The following PPM1H variants were observed in gnomAD, a reference collection of about 807,000 sequenced individuals.
PPM1H encodes the protein protein phosphatase 1H.
A neutral mutation model predicts 54.9 loss-of-function variants in PPM1H; 27 were observed. The ratio of observed to expected loss-of-function variants is 0.49; its 90% confidence interval spans 0.36 to 0.68. The LOEUF is 0.68. Ranked by LOEUF, PPM1H falls within the 30% of genes least tolerant of loss-of-function variation. PPM1H has a pLI of 0.00. For synonymous variants in PPM1H, 305 were observed against 270.8 expected, an observed-to-expected ratio of 1.13 and a Z score of -1.24; for missense variants, 596 against 667.8, an observed-to-expected ratio of 0.89 and a Z score of 1.19.
Position 62,689,812 on chromosome 12 carries a change from A to G in PPM1H, c.1138-6T>C. The G allele has an allele frequency of 6.2e-7, 1 of 1,602,610 alleles. No individual in the cohort carries two copies. Among genetic ancestry groups the G allele is most frequent in the East Asian group, 2.2e-5 (1 of 44,734 alleles). On this transcript the variant is annotated splice_region_variant and splice_polypyrimidine_tract_variant and intron_variant, in intron 7 of 9. Transcript: ENST00000228705. ...ATAGTTGCCATTACCCGGGCCTAGGAGTATAAGCAGAGGGTCATCAGAAAC... is the reference window on the plus strand; with the variant it reads ...ATAGTTGCCATTACCCGGGCCTAGGGGTATAAGCAGAGGGTCATCAGAAAC...
chr12:62,780,798 T>C (rs1313189971), intron 4 of PPM1H, among the ~76,000 whole-genome samples: 1 of 152,114 alleles, frequency 6.6e-6, no homozygotes, highest in Non-Finnish European at 1.5e-5. Flanking sequence ...TGGGCTCGAG[T>C]GGGCAAACAC....
Position 62,921,018 on chromosome 12 carries a change from G to A in PPM1H, c.245+13474C>T, listed in dbSNP as rs150140021. Among the ~76,000 whole-genome samples, 320 of 151,986 alleles carry A rather than the reference G, an allele frequency of 2.1e-3. 2 individuals are homozygous for A. The highest frequency in any genetic ancestry group is 7.1e-3 in the African/African-American group (293 of 41,466). ...TGATTCACTGCAACCTCCACTTCCC[G>A]GGTTCAAGCAATTCTCCTGCCTCAG... is the stretch of plus-strand genomic sequence containing the variant. On this transcript the variant is annotated intron_variant, in intron 1 of 9. Coordinates refer to ENST00000228705, the MANE Select transcript of PPM1H (RefSeq NM_020700.2).
chr12:62,821,099 C>T (rs1397811162), intron 2 of PPM1H, among the ~76,000 whole-genome samples: 1 of 152,088 alleles, frequency 6.6e-6, no homozygotes, highest in Non-Finnish European at 1.5e-5. Flanking sequence ...AGCTGAAAAC[C>T]GTGGCAAGAG....
chr12:62,910,565 C>T (rs893044409), intron 1 of PPM1H, among the ~76,000 whole-genome samples: 1 of 152,008 alleles, frequency 6.6e-6, no homozygotes, highest in African/African-American at 2.4e-5. Context: ...AATCTGATGC[C>T]TGTGATGACA....
intron 1 of PPM1H, among the ~76,000 whole-genome samples, chr12:62,840,741 G>C (rs762341384): frequency 2.6e-4 from 39 of 152,314 alleles, no homozygotes; most frequent in Non-Finnish European, 3.4e-4. Flanking sequence ...ATCAGAACTA[G>C]ACCACGAAAT....
At chr12:62,686,895 TG>T (rs11310268) in intron 8 of PPM1H, among the ~76,000 whole-genome samples, 35,558 of 152,080 alleles carry the variant, frequency 0.23, 5,102 homozygotes, top group East Asian at 0.48. Context: ...AACCACTCCC[TG>T]GCTCACAGCT....
intron 5 of PPM1H, among the ~76,000 whole-genome samples, chr12:62,732,834 T>C (rs997053523): frequency 7.2e-5 from 11 of 152,302 alleles, no homozygotes; most frequent in Admixed American, 2.0e-4. Context: ...TTTCTTCATA[T>C]ACCCTAAATA....
At chr12:62,824,694 C>T (rs1249913678) in intron 2 of PPM1H, among the ~76,000 whole-genome samples, 6 of 152,080 alleles carry the variant, frequency 3.9e-5, no homozygotes, top group African/African-American at 1.4e-4. Context: ...AACTGGCTAG[C>T]CATATGTAGA....
intron 8 of PPM1H, among the ~76,000 whole-genome samples, chr12:62,676,367 G>A (rs1287969441): frequency 6.6e-6 from 1 of 152,220 alleles, no homozygotes; most frequent in Non-Finnish European, 1.5e-5. Flanking sequence ...CACAGCCAGT[G>A]TTGTGTGCTC....
chr12:62,688,515 A>T (rs1044776959), intron 8 of PPM1H, among the ~76,000 whole-genome samples: 7 of 152,178 alleles, frequency 4.6e-5, no homozygotes, highest in African/African-American at 2.4e-5. Flanking sequence ...AAGCAAAAAA[A>T]TTTCTAAATG....
chr12:62,912,223 C>A (rs73139629), intron 1 of PPM1H, among the ~76,000 whole-genome samples: 17,037 of 152,258 alleles, frequency 0.11, 1,025 homozygotes, highest in Middle Eastern at 0.17. Flanking sequence ...AAAATTATTT[C>A]TTCACAGTCC....
At chr12:62,898,766 C>T (rs530749845) in intron 1 of PPM1H, among the ~76,000 whole-genome samples, 1 of 152,294 alleles carries the variant, frequency 6.6e-6, no homozygotes, top group East Asian at 1.9e-4. Context: ...TTACTGAATG[C>T]CTGTATGACT....
intron 4 of PPM1H, among the ~76,000 whole-genome samples, chr12:62,767,423 CTCTG>C (rs2076550919): frequency 6.6e-6 from 1 of 152,164 alleles, no homozygotes; most frequent in Admixed American, 6.5e-5. Flanking sequence ...CCTTTAACCT[CTCTG>C]TAAGTGGGTG....
chr12:62,752,211 G>A (rs2076445880), intron 4 of PPM1H, among the ~76,000 whole-genome samples: 1 of 152,194 alleles, frequency 6.6e-6, no homozygotes, highest in Non-Finnish European at 1.5e-5. Context: ...GTATATGTAT[G>A]AAGGGACTTT....
intron 2 of PPM1H, among the ~76,000 whole-genome samples, chr12:62,828,841 T>C (rs1868320146): frequency 6.6e-6 from 1 of 151,812 alleles, no homozygotes; most frequent in African/African-American, 2.4e-5. Flanking sequence ...GGTCCAATAA[T>C]GAAAAAATGC....
intron 7 of PPM1H, among the ~76,000 whole-genome samples, chr12:62,690,484 A>G (rs2076076699): frequency 6.6e-6 from 1 of 152,198 alleles, no homozygotes; most frequent in South Asian, 2.1e-4. Flanking sequence ...CAGAGGCCTC[A>G]GGGCTGAGAC....
At chr12:62,788,627 C>T (rs2076686947) in intron 3 of PPM1H, 1 of 295,572 alleles carries the variant, frequency 3.4e-6, no homozygotes, top group Non-Finnish European at 6.4e-6. Context: ...CAGTAAATAT[C>T]ACAGCTTATG....
intron 8 of PPM1H, among the ~76,000 whole-genome samples, chr12:62,671,609 C>G (rs1308300336): frequency 6.6e-6 from 1 of 152,158 alleles, no homozygotes. Flanking sequence ...GAAAGATGCT[C>G]TGAAGAAAAA....
At chr12:62,803,812 G>A (rs975200610) in intron 2 of PPM1H, among the ~76,000 whole-genome samples, 2 of 152,104 alleles carry the variant, frequency 1.3e-5, no homozygotes, top group South Asian at 2.1e-4. Context: ...GTGTGATAAG[G>A]GGTTAATTTT....
Sources: gnomAD v4.1 joint callset for allele counts (sites outside exome capture counted in the v4.1 genomes callset) on GRCh38, gnomAD v4.1.1 for gene constraint, MANE v1.5 for transcripts, NCBI Gene and HGNC (gene_info 2026-07-23, HGNC 2026-07-21) for gene names.